SLC39A11: variants seen among roughly 807,000 people sequenced by gnomAD.
SLC39A11 encodes solute carrier family 39 member 11, also known as zinc transporter ZIP11.
SLC39A11 carries 33 observed loss-of-function variants against 36.1 expected under a neutral mutation model. That is an observed-to-expected ratio of 0.91 (90% CI 0.69 to 1.22). The LOEUF (loss-of-function observed/expected upper bound fraction) is 1.22. Ranked by LOEUF, SLC39A11 falls within the 50% of genes most tolerant of loss-of-function variation. SLC39A11 has a pLI of 0.00. For synonymous variants in SLC39A11, 166 were observed against 170.3 expected, an observed-to-expected ratio of 0.97 and a Z score of 0.20; for missense variants, 432 against 430.3, an observed-to-expected ratio of 1.00 and a Z score of -0.03.
chr17:73,036,393 C>T (rs2058915838), intron 3 of SLC39A11, among the ~76,000 whole-genome samples: 1 of 152,124 alleles, frequency 6.6e-6, no homozygotes, highest in Non-Finnish European at 1.5e-5. Context: ...TGAACCCACA[C>T]TGATATGGCA....
chr17:72,648,830 T>C lies in SLC39A11; in HGVS notation c.902A>G (p.Asp301Gly), dbSNP rs947264935. The C allele has an allele frequency of 4.4e-5, 71 of 1,613,912 alleles. 1 individual carries two copies. The highest frequency in any genetic ancestry group is 5.8e-5 in the Non-Finnish European group (69 of 1,179,996). The part of the protein sequence containing the change: ...AAGAMVYVVM[D>G]DIIPEAQISG... Reference sequence around the variant, plus strand: ...GATCTGGGCTTCGGGGATGATGTCGTCCATGACCACGTAGACCATGGCACC... The same window carrying C: ...GATCTGGGCTTCGGGGATGATGTCGCCCATGACCACGTAGACCATGGCACC... The change falls in exon 9 of 10, where the codon GAC (aspartate) becomes GGC (glycine). Residue 301 changes from aspartate to glycine, a missense_variant. Asp to Gly is a moderately conservative substitution (Grantham distance 94, BLOSUM62 -1). Transcript: ENST00000255559.
intron 5 of SLC39A11, among the ~76,000 whole-genome samples, chr17:72,882,802 T>TTTTTTTTTCTTTTTC (rs2081265525): frequency 6.8e-6 from 1 of 146,990 alleles, no homozygotes; most frequent in Non-Finnish European, 1.5e-5. Context: ...TGCTTCTTTT[T>TTTTTTTTTCTTTTTC]TTTTTTTTTT....
At chr17:72,979,197 C>T (rs956591019) in intron 4 of SLC39A11, among the ~76,000 whole-genome samples, 4 of 152,158 alleles carry the variant, frequency 2.6e-5, no homozygotes, top group Non-Finnish European at 4.4e-5. Flanking sequence ...CTTCTCCTTC[C>T]TGCCGCCTTG....
At chr17:72,692,589 T>C (rs1467358506) in intron 7 of SLC39A11, among the ~76,000 whole-genome samples, 2 of 152,182 alleles carry the variant, frequency 1.3e-5, no homozygotes, top group East Asian at 1.9e-4. Flanking sequence ...ATCACGAGAA[T>C]AGCACAGGAA....
At chr17:73,007,999 AG>A (rs2090278398) in intron 4 of SLC39A11, among the ~76,000 whole-genome samples, 1 of 152,082 alleles carries the variant, frequency 6.6e-6, no homozygotes, top group Admixed American at 6.6e-5. Flanking sequence ...GCTACTCAGG[AG>A]GCTGAGACAG....
chr17:72,787,473 T>C (rs113040903), intron 6 of SLC39A11, among the ~76,000 whole-genome samples: 2,119 of 151,998 alleles, frequency 0.014, 50 homozygotes, highest in African/African-American at 0.048. Context: ...TAGCCAAGAT[T>C]GTCTCGATCT....
At chr17:72,819,041 G>A (rs2077679217) in intron 6 of SLC39A11, 1 of 152,002 alleles carries the variant, frequency 6.6e-6, no homozygotes, top group African/African-American at 2.4e-5. Context: ...CCTGGATGGA[G>A]GGGTGTCATA....
Position 73,080,940 on chromosome 17 carries a change from A to G in SLC39A11, c.147+3868T>C, listed in dbSNP as rs573476327. On this transcript the variant is annotated intron_variant, in intron 3 of 9. Transcript: ENST00000255559. ...AGCCTGGGCGACAGAGTGAGGCTCC[A>G]TGTCAAAAAACAATAAAATAAATAA... Among the ~76,000 whole-genome samples, 1,237 of 147,522 alleles carry G rather than the reference A, an allele frequency of 8.4e-3. 21 individuals carry two copies. Among genetic ancestry groups the G allele is most frequent in the South Asian group, 0.06 (278 of 4,664 alleles).
intron 7 of SLC39A11, among the ~76,000 whole-genome samples, chr17:72,731,530 C>T (rs563106040): frequency 4.1e-4 from 37 of 89,634 alleles, no homozygotes; most frequent in African/African-American, 1.8e-3. Flanking sequence ...ATTTGTGCAA[C>T]CTTATGCAGT....
At chr17:73,012,691 CT>C (rs2148513974) in intron 4 of SLC39A11, among the ~76,000 whole-genome samples, 1 of 152,272 alleles carries the variant, frequency 6.6e-6, no homozygotes, top group African/African-American at 2.4e-5. Context: ...CCCTTGCCCC[CT>C]GTTCTCTCCC....
chr17:73,084,388 T>C (rs1409020732), intron 3 of SLC39A11, among the ~76,000 whole-genome samples: 1 of 126,724 alleles, frequency 7.9e-6, no homozygotes, highest in African/African-American at 3.1e-5. Context: ...CAGTGAACCA[T>C]GACTGTGCCA....
At chr17:72,936,077 A>C (rs1031130986) in intron 5 of SLC39A11, among the ~76,000 whole-genome samples, 1 of 152,126 alleles carries the variant, frequency 6.6e-6, no homozygotes, top group African/African-American at 2.4e-5. Context: ...ATTCGCCTGT[A>C]ATCCCAGCTA....
chr17:72,955,150 A>G (rs1196698177), intron 4 of SLC39A11, among the ~76,000 whole-genome samples: 1 of 152,078 alleles, frequency 6.6e-6, no homozygotes, highest in African/African-American at 2.4e-5. Context: ...GAATTATTCT[A>G]CACTTGAGGT....
chr17:72,653,823 GAC>G (rs1021608807), intron 7 of SLC39A11, among the ~76,000 whole-genome samples: 1 of 152,134 alleles, frequency 6.6e-6, no homozygotes, highest in African/African-American at 2.4e-5. Context: ...GGCAGCTGGG[GAC>G]AGTTTTACAC....
intron 4 of SLC39A11, among the ~76,000 whole-genome samples, chr17:73,009,015 T>C (rs748747533): frequency 1.4e-4 from 19 of 139,528 alleles, no homozygotes; most frequent in Admixed American, 5.9e-4. Context: ...TGAGCTGCCA[T>C]TGCAATGCTG....
chr17:72,792,195 C>T (rs1015808322), intron 6 of SLC39A11, among the ~76,000 whole-genome samples: 6 of 152,292 alleles, frequency 3.9e-5, no homozygotes, highest in South Asian at 2.1e-4. Context: ...AGGAGAACAT[C>T]GCAGGCCATG....
At chr17:72,864,730 C>T (rs567901492) in intron 5 of SLC39A11, among the ~76,000 whole-genome samples, 1 of 152,234 alleles carries the variant, frequency 6.6e-6, no homozygotes, top group South Asian at 2.1e-4. Context: ...CCTAAGAGCC[C>T]AACAGAAGTC....
chr17:72,842,033 G>GCA (rs1173536694), intron 6 of SLC39A11, among the ~76,000 whole-genome samples: 2 of 151,956 alleles, frequency 1.3e-5, no homozygotes, highest in South Asian at 4.2e-4. Context: ...TCACACCACT[G>GCA]CACTCCAGCC....
chr17:72,802,122 C>T (rs2077106116), intron 6 of SLC39A11, among the ~76,000 whole-genome samples: 2 of 152,162 alleles, frequency 1.3e-5, no homozygotes, highest in South Asian at 4.1e-4. Context: ...CTGAATCTGG[C>T]TTCCCTGTGT....
Sources: gnomAD v4.1 joint callset for allele counts (sites outside exome capture counted in the v4.1 genomes callset) on GRCh38, gnomAD v4.1.1 for gene constraint, MANE v1.5 for transcripts, NCBI Gene and HGNC (gene_info 2026-07-23, HGNC 2026-07-21) for gene names.